The following YLPM1 variants were observed in gnomAD, a reference collection of about 807,000 sequenced individuals.
YLPM1 encodes the protein YLP motif-containing protein 1.
In YLPM1, 99 loss-of-function variants were observed where a neutral mutation model predicts 230.0. The ratio of observed to expected loss-of-function variants is 0.43; its 90% CI spans 0.37 to 0.51. The LOEUF (loss-of-function observed/expected upper bound fraction) is 0.51, where lower values mean the gene tolerates loss of function less well. Ranked by LOEUF, YLPM1 falls within the 20% of genes least tolerant of loss-of-function variation. The probability of loss-of-function intolerance (pLI) is 0.00; values close to 1 mark genes in which losing one functional copy is unlikely to be tolerated. For synonymous variants in YLPM1, 984 were observed against 942.5 expected, an observed-to-expected ratio of 1.04 and a Z score of -0.81; for missense variants, 2,592 against 2,707.7, an observed-to-expected ratio of 0.96 and a Z score of 0.95.
chr14:74,799,767 T>C (rs2091307448), intron 5 of YLPM1, 70 bp downstream of exon 5: 2 of 1,460,948 alleles, frequency 1.4e-6, no homozygotes, highest in South Asian at 1.4e-5. Context: ...TAAAGTGATA[T>C]GATATATTTG....
intron 4 of YLPM1, among the ~76,000 whole-genome samples, chr14:74,786,445 T>C (rs576006183): frequency 6.7e-6 from 1 of 149,426 alleles, no homozygotes; most frequent in South Asian, 2.2e-4. Flanking sequence ...GAAATCTCCC[T>C]CATCCCCCTC....
chr14:74,792,792 G>A (rs977676199), intron 4 of YLPM1, among the ~76,000 whole-genome samples: 1 of 152,170 alleles, frequency 6.6e-6, no homozygotes, highest in South Asian at 2.1e-4. Flanking sequence ...CTGACCCTCC[G>A]GAATGTGATT....
intron 19 of YLPM1, among the ~76,000 whole-genome samples, chr14:74,833,180 G>A (rs77820851): frequency 0.062 from 9,372 of 152,118 alleles, 450 homozygotes; most frequent in Non-Finnish European, 0.089. Flanking sequence ...GACTTAGTTC[G>A]TAATGATCTT....
chr14:74,816,170 ATTTTT>A, intron 11 of YLPM1, 28 bp from the exon 12 acceptor site: 1 of 1,401,032 alleles, frequency 7.1e-7, no homozygotes, highest in Non-Finnish European at 9.6e-7. Flanking sequence ...TCTCTCAGTG[ATTTTT>A]TTTTTTTTTT....
In YLPM1 at chr14:74,810,365, G is replaced by A. The variant is rs760155352; in HGVS notation, c.5173G>A (p.Val1725Ile). ...THRDRDRDRG[V>I]IDYDRDRFDR... Reference sequence around the variant, plus strand: ...TAGAGATCGAGACCGGGATCGTGGTGTTATTGACTATGACCGGGATCGATT... The same window carrying A: ...TAGAGATCGAGACCGGGATCGTGGTATTATTGACTATGACCGGGATCGATT... The change falls in exon 9 of 21, where the codon GTT (valine) becomes ATT (isoleucine). Residue 1725 changes from valine to isoleucine, a missense_variant. Physicochemically the swap from Val to Ile is conservative, Grantham distance 29 (BLOSUM62 3). Transcript: ENST00000325680. 1.1e-5 allele frequency: 17 copies of A among 1,613,842 alleles called. No homozygotes were observed. The highest frequency in any genetic ancestry group is 1.4e-5 in the Non-Finnish European group (16 of 1,179,870).
chr14:74,797,309 G>A (rs955929915), intron 4 of YLPM1, among the ~76,000 whole-genome samples: 9 of 151,680 alleles, frequency 5.9e-5, no homozygotes, highest in Admixed American at 3.3e-4. Flanking sequence ...CTTTTTAACC[G>A]TTCAGTATAT....
intron 1 of YLPM1, among the ~76,000 whole-genome samples, chr14:74,774,844 G>A (rs748920424): frequency 2.2e-4 from 34 of 152,114 alleles, no homozygotes; most frequent in Non-Finnish European, 5.0e-4. Context: ...GCACCTGGCC[G>A]AGGATTGATT....
At chr14:74,783,323 C>T (rs1354690522) in intron 4 of YLPM1, among the ~76,000 whole-genome samples, 1 of 152,110 alleles carries the variant, frequency 6.6e-6, no homozygotes, top group African/African-American at 2.4e-5. Flanking sequence ...CCTGCCTTGG[C>T]CTCCCTGCCT....
chr14:74,811,390 G>A (rs1212824922), intron 9 of YLPM1, among the ~76,000 whole-genome samples: 1 of 151,964 alleles, frequency 6.6e-6, no homozygotes, highest in Non-Finnish European at 1.5e-5. Context: ...GGCTGAGATG[G>A]GAGGATTGCT....
intron 17 of YLPM1, 52 bp downstream of exon 17, chr14:74,821,189 A>C (rs1462361408): frequency 1.3e-6 from 2 of 1,511,530 alleles, no homozygotes; most frequent in East Asian, 5.0e-5. Flanking sequence ...AAAATTCTTA[A>C]AGAAGGTTTA....
Position 74,763,922 on chromosome 14 carries a change from T to C in YLPM1, c.433T>C (p.Ser145Pro). 4.1e-6 allele frequency: 6 copies of C among 1,456,038 alleles called. No individual in the cohort carries two copies. The highest frequency in any genetic ancestry group is 2.7e-5 in the East Asian group (1 of 37,582). 90.2% of individuals were successfully genotyped at this position (1,456,038 alleles called of 1,614,324 possible). ...TGGTTTGGTTCCAATGGAGCTGGAA[T>C]CCCCCCCTGAATCTCCCCCTGTGCC... ...PPGLVPMELE[S>P]PPESPPVPPG... The change falls in exon 1 of 21, where the codon TCC becomes CCC. Residue 145 changes from serine to proline, a missense_variant. Physicochemically the swap from Ser to Pro is moderately conservative, Grantham distance 74 (BLOSUM62 -1). Coordinates refer to ENST00000325680, the MANE Select transcript of YLPM1 (RefSeq NM_019589.3).
At position 74,763,928 on chromosome 14, in the gene YLPM1, C is replaced by T; in HGVS notation, c.439C>T (p.Pro147Ser). The change falls in exon 1 of 21, where the codon CCT (proline) becomes TCT (serine). Residue 147 changes from proline (P) to serine (S), a missense_variant. By Grantham distance (74) the Pro-to-Ser change is moderately conservative. Transcript: ENST00000325680. Reference sequence around the variant, plus strand: ...GGTTCCAATGGAGCTGGAATCCCCCCCTGAATCTCCCCCTGTGCCGCCTGG... The same window carrying T: ...GGTTCCAATGGAGCTGGAATCCCCCTCTGAATCTCCCCCTGTGCCGCCTGG... ...GLVPMELESP[P>S]ESPPVPPGSY... is the part of the protein sequence containing the mutation. 1 of 1,151,138 alleles carries T rather than the reference C, an allele frequency of 8.7e-7. No individual in the cohort carries two copies. The highest frequency in any genetic ancestry group is 3.3e-5 in the Admixed American group (1 of 30,234). The allele number at this position is 1,151,138 out of a possible 1,614,324, so 71.3% of individuals were successfully genotyped here.
rs1263164676 is a variant in YLPM1 at position 74,778,544 on chromosome 14, A to T, written c.971A>T (p.Lys324Met). 2 of 1,607,416 alleles carry T rather than the reference A, an allele frequency of 1.2e-6. No homozygotes were observed. The highest frequency in any genetic ancestry group is 1.7e-6 in the Non-Finnish European group (2 of 1,177,000). The change falls in exon 2 of 21, where the codon AAG becomes ATG. Residue 324 changes from lysine to methionine, a missense_variant. Lys to Met is a moderately conservative substitution (Grantham distance 95). This residue lies in a region of YLPM1 where 1,862 missense variants were observed against 1,819.8 expected (regional missense o/e 1.02). Transcript: ENST00000325680. The part of the protein sequence containing the change: ...PGHKKGPVVA[K>M]DTPEPVKEEV... The stretch of plus-strand genomic sequence containing the variant: ...CACAAAAAGGGTCCTGTGGTAGCAA[A>T]GGATACACCAGAGCCGGTAAAAGAA...
intron 4 of YLPM1, among the ~76,000 whole-genome samples, chr14:74,789,403 G>A (rs536954558): frequency 2.9e-4 from 44 of 152,100 alleles, no homozygotes; most frequent in African/African-American, 1.1e-3. Context: ...TTTTAGTACA[G>A]ATGGGGTTTC....
At chr14:74,769,621 C>T in intron 1 of YLPM1, among the ~76,000 whole-genome samples, 1 of 151,270 alleles carries the variant, frequency 6.6e-6, no homozygotes, top group Admixed American at 6.6e-5. Context: ...GAAGAGGTTT[C>T]ACCATCTTGG....
chr14:74,798,297 G>T lies in YLPM1; in HGVS notation c.3000G>T (p.Leu1000=). 6.2e-7 allele frequency: 1 copy of T among 1,613,936 alleles called. No homozygotes were observed. The highest frequency in any genetic ancestry group is 1.3e-5 in the African/African-American group (1 of 75,018). ...PHSENNQDKG[L]PRPDNRDNRL... is the part of the protein sequence containing the mutation. ...CAGAAAACAACCAAGATAAAGGCCT[G>T]CCTCGGCCAGATAATAGAGATAATA... Residue 1000 remains leucine (L), a synonymous_variant, in exon 5 of 21, where the codon CTG becomes CTT. Coordinates refer to ENST00000325680, the MANE Select transcript of YLPM1 (RefSeq NM_019589.3).
chr14:74,789,120 G>A (rs1028044405), intron 4 of YLPM1, among the ~76,000 whole-genome samples: 3 of 152,254 alleles, frequency 2.0e-5, no homozygotes, highest in African/African-American at 7.2e-5. Context: ...CTATTTGTCT[G>A]TCTTTGCATT....
chr14:74,792,261 A>G (rs1021038496), intron 4 of YLPM1, among the ~76,000 whole-genome samples: 15 of 152,290 alleles, frequency 9.8e-5, no homozygotes, highest in Non-Finnish European at 1.8e-4. Flanking sequence ...CGCATAGACC[A>G]TCTACTCTAG....
intron 1 of YLPM1, among the ~76,000 whole-genome samples, chr14:74,769,851 AC>A (rs113231747): frequency 0.076 from 5,798 of 76,596 alleles, 344 homozygotes; most frequent in African/African-American, 0.19. Context: ...AAAGTGAGAC[AC>A]CCCCCCCCCC....
Sources: gnomAD v4.1 joint callset for allele counts (sites outside exome capture counted in the v4.1 genomes callset) on GRCh38, gnomAD v4.1.1 for gene constraint, gnomAD v4.1.1 regional missense constraint, MANE v1.5 for transcripts, NCBI Gene and HGNC (gene_info 2026-07-23, HGNC 2026-07-21) for gene names.